Variants in SLC4A8 observed in about 807,000 individuals in gnomAD.
SLC4A8 encodes the protein solute carrier family 4 member 8, also known as electroneutral sodium bicarbonate exchanger 1.
SLC4A8 carries 40 observed loss-of-function variants against 125.0 expected under a neutral mutation model. That is an observed-to-expected ratio of 0.32 (90% confidence interval 0.25 to 0.42). The LOEUF is 0.42. Among genes scored for constraint, SLC4A8 ranks in the 10% least tolerant of loss-of-function variants. The pLI is 1.00. For synonymous variants in SLC4A8, 456 were observed against 476.0 expected (o/e 0.96, Z 0.55); for missense variants, 863 against 1,355.1 (o/e 0.64, Z 5.70).
At chr12:51,500,868 C>A (rs575475684) in intron 22 of SLC4A8, among the ~76,000 whole-genome samples, 3 of 138,290 alleles carry the variant, frequency 2.2e-5, no homozygotes, top group East Asian at 4.2e-4. Flanking sequence ...TTTTTTCTTT[C>A]TTTCTTTCTT....
At chr12:51,427,059 C>T (rs1949015246) in intron 1 of SLC4A8, among the ~76,000 whole-genome samples, 3 of 151,286 alleles carry the variant, frequency 2.0e-5, no homozygotes, top group Admixed American at 2.0e-4. Flanking sequence ...CTGCCTCGGT[C>T]TCCGGAGTAG....
chr12:51,447,143 A>G (rs1402214339), intron 2 of SLC4A8, among the ~76,000 whole-genome samples: 1 of 151,478 alleles, frequency 6.6e-6, no homozygotes, highest in East Asian at 1.9e-4. Context: ...GGTAATGATC[A>G]TAGCTCATAA....
chr12:51,508,035 C>G lies in SLC4A8; in HGVS notation c.*597C>G, dbSNP rs986943990. On this transcript the variant is annotated 3_prime_UTR_variant, in exon 25 of 25. Transcript: ENST00000453097. ...ATGATCTGGGCATTGGCAGTGCCTG[C>G]CACCACAGCCAGGAAGATGCCTCTG... The G allele has an allele frequency of 7.2e-5, 11 of 152,354 alleles. No individual in the cohort carries two copies. The highest frequency in any genetic ancestry group is 2.7e-4 in the African/African-American group (11 of 41,466). 9.4% of individuals were successfully genotyped at this position (152,354 alleles called of 1,614,324 possible).
At chr12:51,502,837 AT>A (rs557351749) in intron 22 of SLC4A8, among the ~76,000 whole-genome samples, 13,635 of 118,316 alleles carry the variant, frequency 0.12, 854 homozygotes, top group East Asian at 0.26. Flanking sequence ...CGCCCGACTA[AT>A]TTTTTTTTTT....
chr12:51,457,365 C>A lies in SLC4A8; in HGVS notation c.589C>A (p.Gln197Lys), dbSNP rs1382756126. 1 of 1,613,484 alleles carries A rather than the reference C, an allele frequency of 6.2e-7. No homozygotes were observed. The highest frequency in any genetic ancestry group is 8.5e-7 in the Non-Finnish European group (1 of 1,179,688). ...IEEISDLILD[Q>K]QELSSDLNDS... The stretch of plus-strand genomic sequence containing the variant: ...CTGCTTTCCAGACCTGATCCTGGAT[C>A]AGCAAGAACTGTCCAGTGACCTGAA... The change falls in exon 6 of 25, where the codon CAG (glutamine) becomes AAG (lysine). Residue 197 changes from glutamine to lysine, a missense_variant. Physicochemically the swap from Gln to Lys is moderately conservative, Grantham distance 53. Transcript: ENST00000453097.
intron 5 of SLC4A8, among the ~76,000 whole-genome samples, chr12:51,453,917 T>G (rs1766646813): frequency 6.6e-6 from 1 of 152,154 alleles, no homozygotes; most frequent in Admixed American, 6.5e-5. Context: ...AATGACATGG[T>G]GTTAAGTTTC....
intron 1 of SLC4A8, among the ~76,000 whole-genome samples, chr12:51,407,068 C>T (rs1254570071): frequency 1.3e-5 from 2 of 152,132 alleles, no homozygotes; most frequent in Non-Finnish European, 2.9e-5. Flanking sequence ...GATGAGGGTG[C>T]TGGCAGGTTT....
intron 22 of SLC4A8, among the ~76,000 whole-genome samples, chr12:51,501,436 C>T (rs1279533516): frequency 6.6e-6 from 1 of 152,172 alleles, no homozygotes; most frequent in Non-Finnish European, 1.5e-5. Context: ...CGTCAGTTCA[C>T]TTAGGGTACT....
chr12:51,401,507 C>T (rs1453400521), intron 1 of SLC4A8, among the ~76,000 whole-genome samples: 2 of 152,168 alleles, frequency 1.3e-5, no homozygotes, highest in African/African-American at 4.8e-5. Flanking sequence ...GGCGTGCCAG[C>T]GTGCTGGCAT....
Position 51,457,459 on chromosome 12 carries a change from G to A in SLC4A8, c.683G>A (p.Arg228Lys), listed in dbSNP as rs1950187330. The change falls in exon 6 of 25, where the codon AGA (arginine) becomes AAA (lysine). Residue 228 changes from arginine (R) to lysine (K), a missense_variant. Around this residue, in one of 6 missense-constraint regions of SLC4A8, gnomAD observed 390 missense variants for 634.4 expected, o/e 0.61. Transcript: ENST00000453097. Reference sequence around the variant, plus strand: ...CATCATCATCAGAATGAAAAGAAGAGAAACAACCTCATTCCCATTGTTCGC... The same window carrying A: ...CATCATCATCAGAATGAAAAGAAGAAAAACAACCTCATTCCCATTGTTCGC... ...KKHHHQNEKKRNNLIPIVRSF... is the reference protein window; with the variant it reads ...KKHHHQNEKKKNNLIPIVRSF... 1 of 1,614,114 alleles carries A rather than the reference G, an allele frequency of 6.2e-7. No individual in the cohort carries two copies. Among genetic ancestry groups the A allele is most frequent in the Non-Finnish European group, 8.5e-7 (1 of 1,179,958 alleles).
chr12:51,424,047 A>C (rs1948865517), upstream of SLC4A8, among the ~76,000 whole-genome samples: 3 of 51,570 alleles, frequency 5.8e-5, no homozygotes, highest in Non-Finnish European at 1.3e-4. Context: ...CAAAAAAAAA[A>C]AAAAAACAAA....
intron 19 of SLC4A8, among the ~76,000 whole-genome samples, chr12:51,490,804 T>A (rs1317695430): frequency 6.6e-6 from 1 of 151,972 alleles, no homozygotes; most frequent in Non-Finnish European, 1.5e-5. Flanking sequence ...GTGGGCAAGG[T>A]AACCTTTGAA....
chr12:51,453,551 TGAA>T lies in SLC4A8; in HGVS notation c.432_434del (p.Glu144del). 1.2e-6 allele frequency: 2 copies of T among 1,613,920 alleles called. No homozygotes were observed. Among genetic ancestry groups the T allele is most frequent in the Non-Finnish European group, 1.7e-6 (2 of 1,179,900 alleles). On this transcript the variant is annotated inframe_deletion, in exon 5 of 25. Coordinates refer to ENST00000453097, the MANE Select transcript of SLC4A8 (RefSeq NM_001039960.3). ...GTAATGCTTTCAGGTGGCTGAAGTT[TGAA>T]GAAGATGTTGAAGATGGGGGAGAAC...
chr12:51,502,969 G>A (rs1463642289), intron 22 of SLC4A8, among the ~76,000 whole-genome samples: 2 of 151,244 alleles, frequency 1.3e-5, no homozygotes, highest in Non-Finnish European at 2.9e-5. Context: ...AGCCTCCCGA[G>A]TAGCTGGGAC....
Position 51,450,825 on chromosome 12 carries a change from G to GT in SLC4A8, c.131-45dup, listed in dbSNP as rs372057676. On this transcript the variant is annotated intron_variant, in intron 2 of 24. Transcript: ENST00000453097. Reference sequence around the variant, plus strand: ...CTATGCTAGGCTTTTTGTTGTTGTTGTTTTTTAAAACTAAAGGAGTTCTCT... The same window carrying GT: ...CTATGCTAGGCTTTTTGTTGTTGTTGTTTTTTTAAAACTAAAGGAGTTCTCT... 462 of 1,599,554 alleles carry GT rather than the reference G, an allele frequency of 2.9e-4. 1 individual carries two copies. In the African/African-American group the frequency reaches 5.4e-3, roughly 19 times the overall value.
intron 22 of SLC4A8, among the ~76,000 whole-genome samples, chr12:51,503,289 A>G (rs370423549): frequency 1.3e-5 from 2 of 150,398 alleles, no homozygotes; most frequent in African/African-American, 4.9e-5. Context: ...CAGTGGCGCA[A>G]TCTCAGCTCA....
At chr12:51,481,881 G>A (rs1298010804) in intron 16 of SLC4A8, among the ~76,000 whole-genome samples, 1 of 151,986 alleles carries the variant, frequency 6.6e-6, no homozygotes, top group Admixed American at 6.6e-5. Context: ...TGAGGCCAGG[G>A]AGGTCAAAGC....
intron 1 of SLC4A8, among the ~76,000 whole-genome samples, chr12:51,411,012 A>C: frequency 6.8e-6 from 1 of 147,268 alleles, no homozygotes. Flanking sequence ...AGTGCTGGGA[A>C]TACAAGTGTG....
intron 22 of SLC4A8, among the ~76,000 whole-genome samples, chr12:51,499,299 CAT>C (rs1406121006): frequency 6.6e-6 from 1 of 152,120 alleles, no homozygotes; most frequent in African/African-American, 2.4e-5. Context: ...TTTACTAAAA[CAT>C]ATACATATAC....
Sources: gnomAD v4.1 joint callset for allele counts (sites outside exome capture counted in the v4.1 genomes callset) on GRCh38, gnomAD v4.1.1 for gene constraint, gnomAD v4.1.1 regional missense constraint, MANE v1.5 for transcripts, NCBI Gene and HGNC (gene_info 2026-07-23, HGNC 2026-07-21) for gene names.